Variants in ATP10B observed in about 807,000 individuals in gnomAD.
The protein encoded by ATP10B is ATPase phospholipid transporting 10B (putative), also known as phospholipid-transporting ATPase VB.
A neutral mutation model predicts 141.2 loss-of-function variants in ATP10B; 122 were observed. The ratio of observed to expected loss-of-function variants is 0.86; its 90% CI spans 0.75 to 1.00. The LOEUF (loss-of-function observed/expected upper bound fraction) is 1.00, where lower values mean the gene tolerates loss of function less well. Ranked by LOEUF, ATP10B falls within the 50% of genes least tolerant of loss-of-function variation. The pLI, the probability that ATP10B is intolerant of heterozygous loss-of-function variation, is 0.00. For synonymous variants in ATP10B, 685 were observed against 692.0 expected, an observed-to-expected ratio of 0.99 and a Z score of 0.16; for missense variants, 1,876 against 1,825.3, an observed-to-expected ratio of 1.03 and a Z score of -0.51.
upstream of ATP10B, among the ~76,000 whole-genome samples, chr5:160,856,212 G>T (rs983296453): frequency 6.6e-6 from 1 of 151,790 alleles, no homozygotes; most frequent in African/African-American, 2.4e-5. Flanking sequence ...GACATAGTGT[G>T]TCTCTTCATC....
upstream of ATP10B, among the ~76,000 whole-genome samples, chr5:160,856,761 A>G (rs6886979): frequency 0.75 from 114,422 of 151,654 alleles, 44,230 homozygotes; most frequent in East Asian, 0.97. Flanking sequence ...TCGTGAATGG[A>G]TTTTGAATTA....
intron 22 of ATP10B, among the ~76,000 whole-genome samples, chr5:160,592,150 C>G (rs1756348035): frequency 6.6e-6 from 1 of 152,200 alleles, no homozygotes; most frequent in Admixed American, 6.5e-5. Flanking sequence ...TCAGGCCTGC[C>G]TTAGTCTATT....
rs201580558 is a variant in ATP10B at position 160,620,487 on chromosome 5, C to T, written c.2276G>A (p.Ser759Asn). Reference protein sequence around the residue: ...RLPQGTCLTFSLLCTLGFDSV... With the variant: ...RLPQGTCLTFNLLCTLGFDSV... The stretch of plus-strand genomic sequence containing the variant: ...GTCAAAGCCCAGGGTGCAGAGGAGG[C>T]TGAAGGTGAGGCAGGTGCCCTGGGG... The change falls in exon 15 of 26, where the codon AGC (serine) becomes AAC (asparagine). Residue 759 changes from serine (S) to asparagine (N), a missense_variant. By Grantham distance (46) the Ser-to-Asn change is conservative (BLOSUM62 1). Transcript: ENST00000327245. The T allele has an allele frequency of 1.5e-4, 247 of 1,614,114 alleles. No individual in the cohort carries two copies. The highest frequency in any genetic ancestry group is 1.9e-4 in the Non-Finnish European group (225 of 1,180,052).
chr5:160,701,920 G>A (rs1415369101), intron 3 of ATP10B, among the ~76,000 whole-genome samples: 1 of 149,898 alleles, frequency 6.7e-6, no homozygotes, highest in Admixed American at 6.6e-5. Context: ...TGCCTCCCGG[G>A]AGCAGTCACC....
At chr5:160,871,518 C>G in the ATP10B span, among the ~76,000 whole-genome samples, 1 of 151,976 alleles carries the variant, frequency 6.6e-6, no homozygotes, top group Admixed American at 6.6e-5. Context: ...CCCTTGCTCC[C>G]TTTTCCACTT....
the ATP10B span, among the ~76,000 whole-genome samples, chr5:160,902,872 G>A: frequency 8.5e-5 from 13 of 152,134 alleles, no homozygotes; most frequent in Non-Finnish European, 1.9e-4. Context: ...ATGACTAAAG[G>A]GGTCCTCTGT....
intron 2 of ATP10B, among the ~76,000 whole-genome samples, chr5:160,774,352 C>G (rs1770128550): frequency 6.6e-6 from 1 of 152,148 alleles, no homozygotes; most frequent in South Asian, 2.1e-4. Context: ...TGCCGAAGAA[C>G]CAGGGATATC....
chr5:160,822,259 A>T (rs1389817661), intron 1 of ATP10B, among the ~76,000 whole-genome samples: 1 of 152,148 alleles, frequency 6.6e-6, no homozygotes, highest in Non-Finnish European at 1.5e-5. Flanking sequence ...GGTATATGAA[A>T]AGGTGTTCAA....
intron 7 of ATP10B, among the ~76,000 whole-genome samples, chr5:160,653,586 T>G (rs1761120288): frequency 4.7e-5 from 1 of 21,162 alleles, no homozygotes; most frequent in African/African-American, 4.2e-4. Context: ...TATATACATA[T>G]ATACATATAT....
intron 1 of ATP10B, among the ~76,000 whole-genome samples, chr5:160,796,865 C>A (rs928245312): frequency 1.3e-5 from 2 of 152,096 alleles, no homozygotes; most frequent in Non-Finnish European, 2.9e-5. Context: ...CTCTTCCAAG[C>A]CAGCTGTCTG....
chr5:160,718,236 T>G (rs775028066), intron 2 of ATP10B, among the ~76,000 whole-genome samples: 35 of 152,164 alleles, frequency 2.3e-4, no homozygotes, highest in Non-Finnish European at 5.0e-4. Flanking sequence ...ACTAGGTGAC[T>G]AGTTTTGGGT....
chr5:160,905,466 GA>G, the ATP10B span, among the ~76,000 whole-genome samples: 1 of 152,160 alleles, frequency 6.6e-6, no homozygotes. Flanking sequence ...GAGCTGCTGA[GA>G]AAATTAAACA....
chr5:160,770,414 T>C (rs1581499227), intron 2 of ATP10B, among the ~76,000 whole-genome samples: 1 of 146,100 alleles, frequency 6.8e-6, no homozygotes, highest in African/African-American at 2.6e-5. Context: ...CTGGCCCTGG[T>C]ATATTTTCGT....
At chr5:160,729,617 A>G (rs553753727) in intron 2 of ATP10B, among the ~76,000 whole-genome samples, 1 of 152,374 alleles carries the variant, frequency 6.6e-6, no homozygotes, top group South Asian at 2.1e-4. Flanking sequence ...CGGTAGTGGC[A>G]GTAGCAACGG....
chr5:160,659,566 C>T (rs371323634), intron 7 of ATP10B, among the ~76,000 whole-genome samples: 81 of 152,106 alleles, frequency 5.3e-4, no homozygotes, highest in African/African-American at 2.0e-3. Context: ...AGGAAAAGAC[C>T]TTTCAATAGA....
chr5:160,648,839 T>C (rs1280641971), intron 8 of ATP10B, among the ~76,000 whole-genome samples: 1 of 151,878 alleles, frequency 6.6e-6, no homozygotes, highest in East Asian at 1.9e-4. Flanking sequence ...CAATGCAATA[T>C]AGGCACTTAA....
chr5:160,736,279 A>G (rs1767106631), intron 2 of ATP10B, among the ~76,000 whole-genome samples: 1 of 152,234 alleles, frequency 6.6e-6, no homozygotes, highest in Non-Finnish European at 1.5e-5. Flanking sequence ...GAAAAAGGAG[A>G]CATTACAACT....
the ATP10B span, among the ~76,000 whole-genome samples, chr5:160,922,018 C>A: frequency 6.6e-6 from 1 of 152,178 alleles, no homozygotes; most frequent in Non-Finnish European, 1.5e-5. Context: ...GAACACAACC[C>A]CAGGCATTTA....
chr5:160,815,315 C>T (rs1012424382), intron 1 of ATP10B, among the ~76,000 whole-genome samples: 5 of 151,066 alleles, frequency 3.3e-5, no homozygotes, highest in African/African-American at 7.3e-5. Flanking sequence ...ATGGAAAGCA[C>T]AAAAAAAAGC....
Sources: allele counts gnomAD v4.1 joint callset (sites outside exome capture counted in the v4.1 genomes callset), GRCh38; gene constraint gnomAD v4.1.1; transcripts MANE v1.5; gene names NCBI Gene and HGNC (gene_info 2026-07-23, HGNC 2026-07-21).